The following GYPB variants were observed in gnomAD, a reference collection of about 807,000 sequenced individuals.
The protein encoded by GYPB is glycophorin-B.
GYPB carries 13 observed loss-of-function variants against 15.3 expected under a neutral mutation model. The observed-to-expected ratio is 0.85, with a 90% confidence interval of 0.55 to 1.35. The LOEUF (loss-of-function observed/expected upper bound fraction) is 1.35, where lower values mean the gene tolerates loss of function less well. Among genes scored for constraint, GYPB ranks in the 40% most tolerant of loss-of-function variants. The probability of loss-of-function intolerance (pLI) is 0.00; values close to 1 mark genes in which losing one functional copy is unlikely to be tolerated. For synonymous variants in GYPB, 38 were observed against 36.9 expected, an observed-to-expected ratio of 1.03 and a Z score of -0.11; for missense variants, 131 against 108.3, an observed-to-expected ratio of 1.21 and a Z score of -0.93.
intron 1 of GYPB, among the ~76,000 whole-genome samples, chr4:144,009,275 G>T (rs1228608620): frequency 6.6e-6 from 1 of 151,304 alleles, no homozygotes; most frequent in Non-Finnish European, 1.5e-5. Context: ...AGCTCCACAG[G>T]AATTTAGATT....
chr4:144,017,641 G>A (rs1728576187), intron 1 of GYPB, among the ~76,000 whole-genome samples: 1 of 151,144 alleles, frequency 6.6e-6, no homozygotes, highest in South Asian at 2.1e-4. Flanking sequence ...TTCTTTGCCA[G>A]GAACCCTTTC....
chr4:144,017,340 AAAAAAAAAAGAAAAAG>A (rs1450225030), intron 1 of GYPB, among the ~76,000 whole-genome samples: 15 of 149,180 alleles, frequency 1.0e-4, no homozygotes, highest in South Asian at 6.2e-4. Context: ...TTCATAGCAA[AAAAAAAAAAGAAAAAG>A]AAAAAAAAAG....
At chr4:144,015,566 C>G (rs1728443833) in intron 1 of GYPB, among the ~76,000 whole-genome samples, 1 of 151,332 alleles carries the variant, frequency 6.6e-6, no homozygotes. Context: ...TTTGAATAAT[C>G]TTCTAGAAAC....
chr4:144,014,861 A>G (rs1405391276), intron 1 of GYPB, among the ~76,000 whole-genome samples: 1 of 151,674 alleles, frequency 6.6e-6, no homozygotes, highest in East Asian at 1.9e-4. Flanking sequence ...TAAGTGCTAT[A>G]TCAGTGTTGG....
rs565425011 is a variant in GYPB, at chr4:144,017,460, C to A, written c.37+1791G>T. Among the ~76,000 whole-genome samples, 67 of 151,196 alleles carry A rather than the reference C, an allele frequency of 4.4e-4. 1 individual carries two copies. The highest frequency in any genetic ancestry group is 3.4e-3 in the Middle Eastern group (1 of 294). On this transcript the variant is annotated intron_variant, in intron 1 of 4. Coordinates refer to ENST00000502664, the MANE Select transcript of GYPB (RefSeq NM_002100.6). Reference sequence around the variant, plus strand: ...TGTTATACTATAAAGTGGCCACATCCAGAGAGTTTCCTTGGAGGGTTTCTG... The same window carrying A: ...TGTTATACTATAAAGTGGCCACATCAAGAGAGTTTCCTTGGAGGGTTTCTG...
intron 1 of GYPB, among the ~76,000 whole-genome samples, chr4:144,007,487 T>C (rs930349090): frequency 3.3e-5 from 5 of 150,934 alleles, no homozygotes; most frequent in East Asian, 1.9e-4. Flanking sequence ...AGCCTGAACT[T>C]TTTATCCTGG....
chr4:144,019,151 A>G, intron 1 of GYPB, 100 bp downstream of exon 1: 1 of 1,563,354 alleles, frequency 6.4e-7, no homozygotes, highest in Non-Finnish European at 8.7e-7. Flanking sequence ...CTACTCATTT[A>G]TTGATTTAAA....
At chr4:144,008,269 G>A in intron 1 of GYPB, 6 of 408,450 alleles carry the variant, frequency 1.5e-5, no homozygotes, top group South Asian at 8.9e-5. Context: ...GAGAATGAGG[G>A]AATCAAGTAA....
chr4:143,995,889 G>A (rs1242232645), downstream of GYPB, among the ~76,000 whole-genome samples: 1 of 151,292 alleles, frequency 6.6e-6, no homozygotes, highest in African/African-American at 2.5e-5. Context: ...GTACTTGACT[G>A]AATCTTGTTC....
chr4:144,010,012 T>C (rs1035777015), intron 1 of GYPB, among the ~76,000 whole-genome samples: 6 of 151,390 alleles, frequency 4.0e-5, no homozygotes, highest in Non-Finnish European at 7.3e-5. Context: ...ATAGTTTGCT[T>C]GGCCCCTGTA....
intron 1 of GYPB, among the ~76,000 whole-genome samples, chr4:144,008,083 G>T (rs1356046171): frequency 6.6e-6 from 1 of 151,492 alleles, no homozygotes; most frequent in Non-Finnish European, 1.5e-5. Context: ...AACTAGCTGA[G>T]ACCCTATTGT....
At chr4:144,012,542 T>TC in intron 1 of GYPB, 1 of 151,418 alleles carries the variant, frequency 6.6e-6, no homozygotes, top group Non-Finnish European at 1.5e-5. Context: ...AGAACACAGT[T>TC]TGGTGAATCA....
chr4:143,999,145 T>C (rs1000696076), intron 3 of GYPB: 4 of 318,428 alleles, frequency 1.3e-5, no homozygotes, highest in African/African-American at 4.6e-5. Context: ...TGGGCTCAAG[T>C]GATTAGCCAG....
At chr4:144,001,997 C>T (rs548206555) in intron 1 of GYPB, among the ~76,000 whole-genome samples, 6 of 140,932 alleles carry the variant, frequency 4.3e-5, no homozygotes, top group African/African-American at 1.6e-4. Flanking sequence ...AAACCACACA[C>T]GCAAACAGGA....
chr4:144,000,288 C>T (rs183686059), intron 2 of GYPB: 28 of 216,648 alleles, frequency 1.3e-4, no homozygotes, highest in Non-Finnish European at 1.9e-4. Flanking sequence ...TTTTCTGTCA[C>T]GAAAGTTTGA....
chr4:144,018,705 A>G (rs1728631126), intron 1 of GYPB, among the ~76,000 whole-genome samples: 1 of 151,290 alleles, frequency 6.6e-6, no homozygotes, highest in Non-Finnish European at 1.5e-5. Context: ...AATTCACACG[A>G]CACCTAAGCC....
intron 4 of GYPB, chr4:143,997,337 T>A: frequency 2.1e-6 from 1 of 466,138 alleles, no homozygotes; most frequent in South Asian, 2.4e-5. Flanking sequence ...GACAGACTTA[T>A]ATTTAGAGGT....
At chr4:143,999,186 G>A (rs1342990806) in intron 3 of GYPB, 9 of 423,272 alleles carry the variant, frequency 2.1e-5, no homozygotes, top group Non-Finnish European at 3.0e-5. Flanking sequence ...AGGGATTATA[G>A]GCATGAGCCA....
At chr4:144,011,923 C>T (rs1164861846) in intron 1 of GYPB, among the ~76,000 whole-genome samples, 1 of 151,834 alleles carries the variant, frequency 6.6e-6, no homozygotes, top group African/African-American at 2.4e-5. Context: ...GATCTCTATT[C>T]TCAGTTGCCT....
Sources: gnomAD v4.1 joint callset for allele counts (sites outside exome capture counted in the v4.1 genomes callset) on GRCh38, gnomAD v4.1.1 for gene constraint, MANE v1.5 for transcripts, NCBI Gene and HGNC (gene_info 2026-07-23, HGNC 2026-07-21) for gene names.